Variants in ABLIM1 observed in about 807,000 individuals in gnomAD.
The protein encoded by ABLIM1 is actin binding LIM protein 1.
A neutral mutation model predicts 107.0 loss-of-function variants in ABLIM1; 40 were observed. The ratio of observed to expected loss-of-function variants is 0.37; its 90% CI spans 0.29 to 0.49. The LOEUF (loss-of-function observed/expected upper bound fraction) is 0.49, where lower values mean the gene tolerates loss of function less well. Ranked by LOEUF, ABLIM1 falls within the 20% of genes least tolerant of loss-of-function variation. The probability of loss-of-function intolerance (pLI) is 0.97; values close to 1 mark genes in which losing one functional copy is unlikely to be tolerated. For missense variants in ABLIM1, 857 were observed against 1,008.5 expected (o/e 0.85, Z 2.04); for synonymous variants, 357 against 357.3 (o/e 1.00, Z 0.01).
chr10:114,537,734 A>G (rs1037836199), intron 6 of ABLIM1, among the ~76,000 whole-genome samples: 3 of 152,314 alleles, frequency 2.0e-5, no homozygotes, highest in East Asian at 1.9e-4. Flanking sequence ...ATCTCAACCA[A>G]TATACTCAGA....
chr10:114,686,073 G>A (rs1040902211), upstream of ABLIM1, among the ~76,000 whole-genome samples: 3 of 152,172 alleles, frequency 2.0e-5, no homozygotes, highest in Non-Finnish European at 2.9e-5. Context: ...GGCAGGACAG[G>A]GGCAAAGTGG....
Position 114,547,681 on chromosome 10 carries a change from C to G in ABLIM1, c.769G>C (p.Gly257Arg), listed in dbSNP as rs1485913404. ...HLGCFKCKSC[G>R]KVLTGEYISK... ...ATGTACTCCCCGGTGAGGACCTTCC[C>G]GCAGGACTTGCATTTAAAGCACCCC... The change falls in exon 5 of 23, where the codon GGG (glycine) becomes CGG (arginine). Residue 257 changes from glycine to arginine, a missense_variant. Physicochemically the swap from Gly to Arg is moderately radical, Grantham distance 125. This residue lies in a region of ABLIM1 where 381 missense variants were observed against 506.9 expected (regional missense o/e 0.75). Transcript: ENST00000533213. 9.3e-6 allele frequency: 15 copies of G among 1,613,690 alleles called. No individual in the cohort carries two copies. Among genetic ancestry groups the G allele is most frequent in the Non-Finnish European group, 1.3e-5 (15 of 1,180,038 alleles).
chr10:114,788,620 A>G, the ABLIM1 span, among the ~76,000 whole-genome samples: 5 of 151,976 alleles, frequency 3.3e-5, no homozygotes, highest in African/African-American at 1.2e-4. Flanking sequence ...CCCAGCTACT[A>G]CAAAGGCTGA....
At chr10:114,627,305 T>C (rs1334311203) in intron 1 of ABLIM1, among the ~76,000 whole-genome samples, 1 of 152,220 alleles carries the variant, frequency 6.6e-6, no homozygotes, top group East Asian at 1.9e-4. Flanking sequence ...GTTTAAGAGC[T>C]GCCTGCTTCA....
chr10:114,779,890 T>C, the ABLIM1 span: 1 of 152,066 alleles, frequency 6.6e-6, no homozygotes, highest in African/African-American at 2.4e-5. Context: ...AGAAATAAAA[T>C]TGTTGGGATG....
intron 1 of ABLIM1, among the ~76,000 whole-genome samples, chr10:114,637,940 A>T (rs568527851): frequency 6.6e-5 from 10 of 152,344 alleles, no homozygotes; most frequent in African/African-American, 2.2e-4. Context: ...GGGATATAAA[A>T]ATGGTTGCTT....
intron 1 of ABLIM1, among the ~76,000 whole-genome samples, chr10:114,704,271 GCTCTCTCTCT>G (rs1215619815): frequency 2.4e-4 from 10 of 40,954 alleles, no homozygotes; most frequent in African/African-American, 5.8e-4. Context: ...TCTCTCTCTC[GCTCTCTCTCT>G]CTCTCTCTCT....
intron 3 of ABLIM1, among the ~76,000 whole-genome samples, chr10:114,574,436 T>G (rs543026797): frequency 1.3e-5 from 2 of 149,440 alleles, no homozygotes; most frequent in South Asian, 4.2e-4. Flanking sequence ...CATTTTATTA[T>G]TTATTTTATT....
At chr10:114,517,412 A>G (rs2063027251) in intron 6 of ABLIM1, among the ~76,000 whole-genome samples, 1 of 152,142 alleles carries the variant, frequency 6.6e-6, no homozygotes, top group African/African-American at 2.4e-5. Flanking sequence ...AAGCCAGGGG[A>G]CAGGATGAAG....
At chr10:114,492,026 C>G (rs970578082) in intron 6 of ABLIM1, 148 bp from the exon 7 acceptor site, 1 of 602,468 alleles carries the variant, frequency 1.7e-6, no homozygotes, top group Non-Finnish European at 2.7e-6. Context: ...CACCAACAGC[C>G]CCGGAAGCTA....
intron 21 of ABLIM1, among the ~76,000 whole-genome samples, chr10:114,438,612 G>A (rs962531142): frequency 3.3e-5 from 5 of 152,186 alleles, no homozygotes; most frequent in African/African-American, 7.2e-5. Context: ...CATTTGTGCT[G>A]GGGTTAACAA....
intron 1 of ABLIM1, among the ~76,000 whole-genome samples, chr10:114,751,217 G>T (rs1445128184): frequency 7.2e-5 from 11 of 151,896 alleles, no homozygotes; most frequent in Non-Finnish European, 8.8e-5. Context: ...GGAAGAAAAA[G>T]AGAAGATACT....
chr10:114,494,551 A>AAAC (rs573252074), intron 6 of ABLIM1, among the ~76,000 whole-genome samples: 59 of 152,034 alleles, frequency 3.9e-4, no homozygotes, highest in African/African-American at 9.4e-4. Flanking sequence ...AAACCAAACC[A>AAAC]AACAACAACA....
intron 6 of ABLIM1, among the ~76,000 whole-genome samples, chr10:114,537,488 C>A (rs1426657628): frequency 3.9e-5 from 6 of 152,136 alleles, no homozygotes; most frequent in Admixed American, 3.3e-4. Flanking sequence ...ATGTTTGTAT[C>A]CATTCACCAA....
chr10:114,750,486 A>G (rs808309), intron 1 of ABLIM1, among the ~76,000 whole-genome samples: 8,734 of 152,302 alleles, frequency 0.057, 327 homozygotes, highest in Middle Eastern at 0.095. Flanking sequence ...TGTTGATAAT[A>G]TTCTCAACTG....
chr10:114,654,738 G>A (rs979073707), intron 1 of ABLIM1, among the ~76,000 whole-genome samples: 1 of 152,192 alleles, frequency 6.6e-6, no homozygotes, highest in African/African-American at 2.4e-5. Flanking sequence ...GCTGGGGCCA[G>A]CAGTGCTGTC....
At chr10:114,496,927 A>G (rs915649533) in intron 6 of ABLIM1, among the ~76,000 whole-genome samples, 10 of 152,176 alleles carry the variant, frequency 6.6e-5, no homozygotes, top group Non-Finnish European at 2.9e-5. Flanking sequence ...TTCTCCTTAC[A>G]TAGGCACCCA....
In ABLIM1 at chr10:114,432,266, A is replaced by T. The variant is rs758599510; in HGVS notation, c.*3994T>A. 15 of 152,254 alleles carry T rather than the reference A, an allele frequency of 9.9e-5. No individual in the cohort carries two copies. The highest frequency in any genetic ancestry group is 1.8e-4 in the Non-Finnish European group (12 of 68,048). The allele number at this position is 152,254 out of a possible 1,614,324, so 9.4% of individuals were successfully genotyped here. ...ATTAAATACAGGTTAAATAGCTACC[A>T]GAAACACAGAAGAGGTGGTTAATAA... is the stretch of plus-strand genomic sequence containing the variant. On this transcript the variant is annotated 3_prime_UTR_variant, in exon 23 of 23. Transcript: ENST00000533213.
chr10:114,718,066 G>GAAAGA (rs1566269536), intron 1 of ABLIM1, among the ~76,000 whole-genome samples: 2 of 74,314 alleles, frequency 2.7e-5, no homozygotes, highest in East Asian at 6.0e-4. Flanking sequence ...AGAAAGAAAG[G>GAAAGA]AAGAAAGGAA....
Sources: gnomAD v4.1 joint callset for allele counts (sites outside exome capture counted in the v4.1 genomes callset) on GRCh38, gnomAD v4.1.1 for gene constraint, gnomAD v4.1.1 regional missense constraint, MANE v1.5 for transcripts, NCBI Gene and HGNC (gene_info 2026-07-23, HGNC 2026-07-21) for gene names.